Variants in TMCC2 observed in about 807,000 individuals in gnomAD.
TMCC2 encodes the protein transmembrane and coiled-coil domains protein 2.
In TMCC2, 16 loss-of-function variants were observed where a neutral mutation model predicts 49.4. The observed-to-expected ratio is 0.32, with a 90% CI of 0.22 to 0.49. The LOEUF (loss-of-function observed/expected upper bound fraction) is 0.49, where lower values mean the gene tolerates loss of function less well. TMCC2 is among the 20% of genes least tolerant of loss of function. The probability of loss-of-function intolerance (pLI) is 0.99; values close to 1 mark genes in which losing one functional copy is unlikely to be tolerated. For synonymous variants in TMCC2, 397 were observed against 434.1 expected (o/e 0.91, Z 1.06); for missense variants, 762 against 989.8 (o/e 0.77, Z 3.09).
intron 2 of TMCC2, among the ~76,000 whole-genome samples, chr1:205,252,214 C>T (rs1253673893): frequency 6.6e-6 from 1 of 152,198 alleles, no homozygotes; most frequent in Non-Finnish European, 1.5e-5. Context: ...GAAGGACTAC[C>T]TAAACAGGAG....
intron 1 of TMCC2, chr1:205,229,153 T>G (rs953748199): frequency 5.6e-6 from 3 of 538,994 alleles, no homozygotes; most frequent in South Asian, 6.3e-5. Flanking sequence ...ATTGGGATCT[T>G]TGTGTGTGTG....
At chr1:205,245,706 C>T (rs1354722499) in intron 2 of TMCC2, among the ~76,000 whole-genome samples, 1 of 152,120 alleles carries the variant, frequency 6.6e-6, no homozygotes, top group Non-Finnish European at 1.5e-5. Context: ...TGGTTTTGCA[C>T]TTTTCTAACG....
intron 2 of TMCC2, among the ~76,000 whole-genome samples, chr1:205,244,553 G>C (rs1333308234): frequency 6.6e-6 from 1 of 152,178 alleles, no homozygotes; most frequent in Non-Finnish European, 1.5e-5. Context: ...AGGAACTCAC[G>C]GGTGACCTGT....
At chr1:205,230,996 A>ACC (rs1201079316) in intron 1 of TMCC2, among the ~76,000 whole-genome samples, 238 of 2,834 alleles carry the variant, frequency 0.084, 2 homozygotes, top group Middle Eastern at 0.5. Flanking sequence ...CCATCCCCCC[A>ACC]TCCCCCCCCC....
chr1:205,266,114 G>A (rs1354230453), intron 2 of TMCC2, among the ~76,000 whole-genome samples: 1 of 151,160 alleles, frequency 6.6e-6, no homozygotes, highest in African/African-American at 2.4e-5. Context: ...GGTGGCAGGC[G>A]CCTGTAGTCC....
intron 2 of TMCC2, among the ~76,000 whole-genome samples, chr1:205,245,517 C>T (rs531767381): frequency 1.4e-4 from 22 of 152,272 alleles, no homozygotes; most frequent in African/African-American, 5.3e-4. Flanking sequence ...TTGTTTTTAC[C>T]TTAGATGATC....
intron 1 of TMCC2, among the ~76,000 whole-genome samples, chr1:205,234,772 G>A (rs1227041164): frequency 6.6e-6 from 1 of 151,846 alleles, no homozygotes; most frequent in East Asian, 2.0e-4. Flanking sequence ...CGGTTCTCCT[G>A]TCTCAACCTC....
chr1:205,229,761 G>A (rs1182531070), intron 1 of TMCC2: 3 of 985,374 alleles, frequency 3.0e-6, no homozygotes, highest in South Asian at 4.7e-5. Context: ...ACCAGAAGCC[G>A]AAAGAACTGT....
rs1213036930 is a variant in TMCC2, at chr1:205,228,399, C to T, written c.-166C>T. 8.4e-6 allele frequency: 5 copies of T among 592,138 alleles called. No homozygotes were observed. In the African/African-American group the frequency reaches 9.2e-5, roughly 11 times the overall value. 36.7% of individuals were successfully genotyped at this position (592,138 alleles called of 1,614,324 possible). On this transcript the variant is annotated 5_prime_UTR_variant, in exon 1 of 5. Coordinates refer to ENST00000358024, the MANE Select transcript of TMCC2 (RefSeq NM_014858.4). ...GCTCCCCCTTCTCGCCCCTCCCTCACCCGCCTTTAAGAATTTTTTTTTTAA... is the reference window on the plus strand; with the variant it reads ...GCTCCCCCTTCTCGCCCCTCCCTCATCCGCCTTTAAGAATTTTTTTTTTAA...
At chr1:205,237,371 C>A (rs1660094482) in intron 1 of TMCC2, among the ~76,000 whole-genome samples, 1 of 152,176 alleles carries the variant, frequency 6.6e-6, no homozygotes, top group South Asian at 2.1e-4. Flanking sequence ...TGTTGGCGAC[C>A]TAGGCTGGCA....
intron 1 of TMCC2, chr1:205,229,552 G>GC (rs1659703015): frequency 7.2e-6 from 5 of 697,506 alleles, no homozygotes; most frequent in Middle Eastern, 7.7e-4. Context: ...GGGCGGGGGG[G>GC]GGGGGGTGGT....
chr1:205,230,213 G>A, intron 1 of TMCC2: 1 of 975,144 alleles, frequency 1.0e-6, no homozygotes, highest in Non-Finnish European at 1.2e-6. Context: ...CTGTCTGTGT[G>A]CCTTGGGGAG....
At position 205,228,379 on chromosome 1, in the gene TMCC2, C is replaced by T; in HGVS notation, c.-186C>T. 1.8e-6 allele frequency: 1 copy of T among 551,306 alleles called. No individual in the cohort carries two copies. Among genetic ancestry groups the T allele is most frequent in the Non-Finnish European group, 3.2e-6 (1 of 310,114 alleles). The allele number at this position is 551,306 out of a possible 1,614,324, so 34.2% of individuals were successfully genotyped here. On this transcript the variant is annotated 5_prime_UTR_variant, in exon 1 of 5. Transcript: ENST00000358024. ...TATTCCAAGCTATAACCAAGGCTCC[C>T]CCTTCTCGCCCCTCCCTCACCCGCC...
At chr1:205,249,651 C>A (rs931652390) in intron 2 of TMCC2, among the ~76,000 whole-genome samples, 1 of 152,238 alleles carries the variant, frequency 6.6e-6, no homozygotes, top group African/African-American at 2.4e-5. Flanking sequence ...GTACATGCGC[C>A]AGCCTCTGCC....
In TMCC2 at chr1:205,271,245, G is replaced by C; in HGVS notation, c.1808G>C (p.Arg603Pro). ...KVAYQSYERA[R>P]DIQEAVESCL... Reference sequence around the variant, plus strand: ...GCCTACCAGTCCTATGAGAGGGCACGGGACATCCAGGTATGGCCAGGGCAA... The same window carrying C: ...GCCTACCAGTCCTATGAGAGGGCACCGGACATCCAGGTATGGCCAGGGCAA... The change falls in exon 4 of 5, where the codon CGG becomes CCG. Residue 603 changes from arginine to proline, a missense_variant. This residue lies in a region of TMCC2 where 440 missense variants were observed against 636.7 expected (regional missense o/e 0.69). Coordinates refer to ENST00000358024, the MANE Select transcript of TMCC2 (RefSeq NM_014858.4). 6.2e-7 allele frequency: 1 copy of C among 1,614,136 alleles called. No individual in the cohort carries two copies. The highest frequency in any genetic ancestry group is 8.5e-7 in the Non-Finnish European group (1 of 1,180,030).
At chr1:205,244,540 A>C (rs1660386895) in intron 2 of TMCC2, among the ~76,000 whole-genome samples, 1 of 152,154 alleles carries the variant, frequency 6.6e-6, no homozygotes, top group African/African-American at 2.4e-5. Context: ...CAAGGCTCTG[A>C]GCAGGAACTC....
intron 2 of TMCC2, among the ~76,000 whole-genome samples, chr1:205,249,620 T>C (rs11802533): frequency 0.011 from 1,727 of 152,336 alleles, 28 homozygotes; most frequent in African/African-American, 0.039. Flanking sequence ...GCATCCACCT[T>C]CTGAGCACAC....
rs536038933 is a variant in TMCC2 at position 205,269,373 on chromosome 1, G to A, written c.1171G>A (p.Val391Met). Residue 391 changes from valine to methionine, a missense_variant, in exon 3 of 5, where the codon GTG becomes ATG. Physicochemically the swap from Val to Met is conservative, Grantham distance 21 (BLOSUM62 1). This residue lies in a region of TMCC2 where 440 missense variants were observed against 636.7 expected (regional missense o/e 0.69). Coordinates refer to ENST00000358024, the MANE Select transcript of TMCC2 (RefSeq NM_014858.4). Reference sequence around the variant, plus strand: ...GGGGCTGAAGGACGTGGGCGCCAACGTGCGCGCAGGCATCAGCGGCTTTGG... The same window carrying A: ...GGGGCTGAAGGACGTGGGCGCCAACATGCGCGCAGGCATCAGCGGCTTTGG... ...QQGLKDVGAN[V>M]RAGISGFGGG... is the part of the protein sequence containing the mutation. The A allele has an allele frequency of 4.3e-6, 7 of 1,611,316 alleles. No individual in the cohort carries two copies. The East Asian group carries it at 1.3e-4, about 31-fold the overall frequency.
At chr1:205,250,911 T>C (rs1261583053) in intron 2 of TMCC2, among the ~76,000 whole-genome samples, 1 of 152,186 alleles carries the variant, frequency 6.6e-6, no homozygotes, top group African/African-American at 2.4e-5. Flanking sequence ...ACTGATGATG[T>C]GGGCTGGGTC....
Sources: gnomAD v4.1 joint callset for allele counts (sites outside exome capture counted in the v4.1 genomes callset) on GRCh38, gnomAD v4.1.1 for gene constraint, gnomAD v4.1.1 regional missense constraint, MANE v1.5 for transcripts, NCBI Gene and HGNC (gene_info 2026-07-23, HGNC 2026-07-21) for gene names.